The following CHD9 variants were observed in gnomAD, a reference collection of about 807,000 sequenced individuals.
CHD9 encodes chromodomain helicase DNA binding protein 9.
CHD9 carries 77 observed loss-of-function variants against 316.1 expected under a neutral mutation model. The ratio of observed to expected loss-of-function variants is 0.24; its 90% CI spans 0.20 to 0.29. The LOEUF (loss-of-function observed/expected upper bound fraction) is 0.29. Among genes scored for constraint, CHD9 ranks in the 10% least tolerant of loss-of-function variants. The probability of loss-of-function intolerance (pLI) is 1.00; values close to 1 mark genes in which losing one functional copy is unlikely to be tolerated. For missense variants in CHD9, 2,763 were observed against 3,438.1 expected (o/e 0.80, Z 4.91); for synonymous variants, 1,129 against 1,158.3 (o/e 0.97, Z 0.51).
intron 1 of CHD9, among the ~76,000 whole-genome samples, chr16:53,131,965 G>T (rs1053720200): frequency 6.6e-6 from 1 of 152,194 alleles, no homozygotes; most frequent in African/African-American, 2.4e-5. Flanking sequence ...CTGCGGGATG[G>T]CTCCAGGGCT....
intron 1 of CHD9, among the ~76,000 whole-genome samples, chr16:53,144,243 C>T (rs370502088): frequency 1.6e-4 from 24 of 151,970 alleles, no homozygotes; most frequent in East Asian, 5.8e-4. Flanking sequence ...TTTAAAATTT[C>T]TGAATATGAA....
At chr16:53,239,930 C>G (rs1043254281) in intron 12 of CHD9, among the ~76,000 whole-genome samples, 3 of 152,026 alleles carry the variant, frequency 2.0e-5, no homozygotes, top group African/African-American at 7.2e-5. Context: ...TGCTTAATTT[C>G]GTATAAATGT....
intron 24 of CHD9, among the ~76,000 whole-genome samples, chr16:53,284,233 T>C (rs573278940): frequency 2.0e-5 from 3 of 152,276 alleles, no homozygotes; most frequent in African/African-American, 7.2e-5. Flanking sequence ...CTCTGGTTAT[T>C]TGAAAGTTGA....
chr16:53,058,507 TG>T (rs1431552709), intron 1 of CHD9, among the ~76,000 whole-genome samples: 6 of 152,210 alleles, frequency 3.9e-5, no homozygotes, highest in African/African-American at 1.2e-4. Flanking sequence ...AAGATGTTTC[TG>T]GCAGAAAGGT....
chr16:53,209,864 TC>T, intron 3 of CHD9, 51 bp downstream of exon 3: 2 of 1,267,362 alleles, frequency 1.6e-6, no homozygotes. Flanking sequence ...CTGTTAAAGT[TC>T]AAACTGTCCA....
intron 36 of CHD9, among the ~76,000 whole-genome samples, chr16:53,317,006 C>T (rs1015749215): frequency 6.6e-6 from 1 of 151,930 alleles, no homozygotes; most frequent in Non-Finnish European, 1.5e-5. Flanking sequence ...CAAGACCAAC[C>T]TGGCAAACAT....
intron 19 of CHD9, among the ~76,000 whole-genome samples, chr16:53,260,766 C>A (rs967681098): frequency 6.6e-6 from 1 of 152,068 alleles, no homozygotes; most frequent in Non-Finnish European, 1.5e-5. Flanking sequence ...CCTTGGCTTG[C>A]GGCCACAGTA....
intron 1 of CHD9, among the ~76,000 whole-genome samples, chr16:53,083,142 A>T (rs1201095980): frequency 6.6e-6 from 1 of 152,248 alleles, no homozygotes; most frequent in Non-Finnish European, 1.5e-5. Flanking sequence ...AGGTCCCCAT[A>T]GGAGGGTATT....
At chr16:53,264,009 AT>A (rs1417268812) in intron 20 of CHD9, among the ~76,000 whole-genome samples, 1 of 151,970 alleles carries the variant, frequency 6.6e-6, no homozygotes, top group African/African-American at 2.4e-5. Flanking sequence ...GAAAAATATA[AT>A]GTAATAGGAT....
At chr16:53,205,867 T>C (rs1214177569) in intron 2 of CHD9, among the ~76,000 whole-genome samples, 1 of 152,130 alleles carries the variant, frequency 6.6e-6, no homozygotes, top group Non-Finnish European at 1.5e-5. Flanking sequence ...TTGCTAGAGA[T>C]CTCCATTTCA....
intron 13 of CHD9, among the ~76,000 whole-genome samples, chr16:53,244,481 G>A (rs1396560596): frequency 6.6e-6 from 1 of 152,040 alleles, no homozygotes; most frequent in Non-Finnish European, 1.5e-5. Context: ...ATGAGCCACC[G>A]CGCCCGGCCT....
chr16:53,174,225 A>G (rs551263075), intron 2 of CHD9, among the ~76,000 whole-genome samples: 5 of 152,208 alleles, frequency 3.3e-5, no homozygotes, highest in Non-Finnish European at 7.3e-5. Flanking sequence ...TTGAGGCTGC[A>G]GTGAACCAAG....
intron 30 of CHD9, among the ~76,000 whole-genome samples, 181 bp from the exon 31 acceptor site, chr16:53,303,539 C>G (rs2055647050): frequency 1.3e-5 from 2 of 152,064 alleles, no homozygotes; most frequent in Non-Finnish European, 2.9e-5. Context: ...TTCAAAATTT[C>G]AAAATCCTCA....
intron 24 of CHD9, 71 bp downstream of exon 24, chr16:53,274,373 C>A: frequency 1.2e-6 from 1 of 847,148 alleles, no homozygotes; most frequent in South Asian, 1.8e-5. Context: ...CTCCTGGGTT[C>A]AAGCGATCCT....
intron 1 of CHD9, among the ~76,000 whole-genome samples, chr16:53,120,062 C>T (rs1324016126): frequency 2.2e-5 from 3 of 137,250 alleles, no homozygotes; most frequent in Non-Finnish European, 4.7e-5. Context: ...CCCATCTCCA[C>T]AAAAAAAAAA....
intron 1 of CHD9, among the ~76,000 whole-genome samples, chr16:53,080,207 G>A (rs376648840): frequency 2.0e-4 from 31 of 152,320 alleles, no homozygotes; most frequent in African/African-American, 7.2e-4. Flanking sequence ...TATTCTGTGG[G>A]CAGAAACAGA....
intron 2 of CHD9, among the ~76,000 whole-genome samples, chr16:53,162,551 C>A (rs1035961881): frequency 1.3e-5 from 2 of 152,042 alleles, no homozygotes; most frequent in Non-Finnish European, 2.9e-5. Flanking sequence ...TGTAAAAATT[C>A]TGTGTAAGTG....
At chr16:53,198,788 C>G (rs547269186) in intron 2 of CHD9, among the ~76,000 whole-genome samples, 10 of 152,144 alleles carry the variant, frequency 6.6e-5, no homozygotes, top group Non-Finnish European at 1.3e-4. Context: ...AATATTGAAT[C>G]TTGTCACATA....
At chr16:53,249,748 G>T in intron 16 of CHD9, 123 bp from the exon 17 acceptor site, 2 of 759,672 alleles carry the variant, frequency 2.6e-6, no homozygotes, top group South Asian at 3.5e-5. Flanking sequence ...TACTTGAGAT[G>T]ATATTGCTTC....
Sources: gnomAD v4.1 joint callset for allele counts (sites outside exome capture counted in the v4.1 genomes callset) on GRCh38, gnomAD v4.1.1 for gene constraint, MANE v1.5 for transcripts, NCBI Gene and HGNC (gene_info 2026-07-23, HGNC 2026-07-21) for gene names.